The following LLGL2 variants were observed in gnomAD, a reference collection of about 807,000 sequenced individuals.
LLGL2 encodes LLGL scribble cell polarity complex component 2.
In LLGL2, 81 loss-of-function variants were observed where a neutral mutation model predicts 123.2. The observed-to-expected ratio is 0.66, with a 90% CI of 0.55 to 0.79. The LOEUF (loss-of-function observed/expected upper bound fraction) is 0.79, where lower values mean the gene tolerates loss of function less well. Ranked by LOEUF, LLGL2 falls within the 30% of genes least tolerant of loss-of-function variation. The probability of loss-of-function intolerance (pLI) is 0.00; values close to 1 mark genes in which losing one functional copy is unlikely to be tolerated. For synonymous variants in LLGL2, 577 were observed against 594.1 expected (o/e 0.97, Z 0.42); for missense variants, 1,273 against 1,414.6 (o/e 0.90, Z 1.61).
intron 1 of LLGL2, among the ~76,000 whole-genome samples, chr17:75,540,206 G>A (rs1266031655): frequency 6.6e-6 from 1 of 152,172 alleles, no homozygotes; most frequent in African/African-American, 2.4e-5. Flanking sequence ...GGCAGGATCT[G>A]TTCATACCAG....
intron 10 of LLGL2, among the ~76,000 whole-genome samples, chr17:75,567,150 G>T (rs1033857400): frequency 2.6e-5 from 4 of 152,132 alleles, no homozygotes; most frequent in Non-Finnish European, 4.4e-5. Context: ...CCCCAGAGTA[G>T]CAGGGAAGAC....
intron 10 of LLGL2, among the ~76,000 whole-genome samples, chr17:75,566,283 G>T (rs940445241): frequency 3.9e-5 from 6 of 152,226 alleles, no homozygotes; most frequent in Non-Finnish European, 7.3e-5. Context: ...CTGAGCAGGG[G>T]TGCCATGATC....
chr17:75,567,988 C>A (rs533363736), intron 10 of LLGL2: 5 of 808,174 alleles, frequency 6.2e-6, no homozygotes, highest in African/African-American at 3.7e-5. Flanking sequence ...AATCATCCAG[C>A]GCACATTTAT....
rs541753930 is a variant in LLGL2 at position 75,531,207 on chromosome 17, C to T, written c.-31+5382C>T. ...GAGAGGATGTCCTCTCCTGCCAGGA[C>T]TTCCTGGCCCCGGGACCCTCCCTTT... On this transcript the variant is annotated intron_variant, in intron 1 of 25. Transcript: ENST00000392550. 2.6e-4 allele frequency among the ~76,000 whole-genome samples: 40 copies of T among 152,288 alleles called. 1 individual carries two copies. The South Asian group carries it at 7.7e-3, about 29-fold the overall frequency.
intron 6 of LLGL2, among the ~76,000 whole-genome samples, chr17:75,561,391 G>A (rs2147426161): frequency 6.6e-6 from 1 of 152,308 alleles, no homozygotes; most frequent in East Asian, 1.9e-4. Flanking sequence ...TTGGGAGGCT[G>A]AGGTAGGAGG....
intron 3 of LLGL2, 77 bp downstream of exon 3, chr17:75,556,220 C>T: frequency 1.7e-6 from 2 of 1,151,410 alleles, no homozygotes; most frequent in South Asian, 1.3e-5. Flanking sequence ...TCTTTTCCTT[C>T]CTTGCCCGTG....
At chr17:75,546,678 G>A (rs1471180276) in intron 2 of LLGL2, among the ~76,000 whole-genome samples, 61 of 16,860 alleles carry the variant, frequency 3.6e-3, no homozygotes, top group South Asian at 8.6e-3. Context: ...GGCAGGTCCA[G>A]CAGACAGGCG....
At chr17:75,569,476 C>G in intron 14 of LLGL2, 151 bp downstream of exon 14, 1 of 681,154 alleles carries the variant, frequency 1.5e-6, no homozygotes, top group Non-Finnish European at 2.5e-6. Flanking sequence ...GGCGGGAGGT[C>G]CCTGGGATGG....
chr17:75,558,686 C>T lies in LLGL2; in HGVS notation c.371+59C>T. On this transcript the variant is annotated intron_variant, in intron 5 of 25. Transcript: ENST00000392550. This position sits in a 1 kb window ranked among gnomAD's most constrained non-coding sequence, Gnocchi z 4.0. ...AGCCCAGCCTGACCCTTGCCCTTAG[C>T]TCTGGAGTGGACTCACCCTTTGTGA... 1 of 1,361,372 alleles carries T rather than the reference C, an allele frequency of 7.3e-7. No homozygotes were observed. The highest frequency in any genetic ancestry group is 2.4e-4 in the Middle Eastern group (1 of 4,212). 84.3% of individuals were successfully genotyped at this position (1,361,372 alleles called of 1,614,324 possible).
rs143949135 is a variant in LLGL2 at position 75,563,547 on chromosome 17, C to T, written c.826+84C>T. The T allele has an allele frequency of 1.7e-3, 2,708 of 1,575,664 alleles. 44 individuals are homozygous for T. In the African/African-American group the frequency reaches 0.032, roughly 18 times the overall value. On this transcript the variant is annotated intron_variant, in intron 8 of 25. Coordinates refer to ENST00000392550, the MANE Select transcript of LLGL2 (RefSeq NM_001031803.2). Reference sequence around the variant, plus strand: ...GGTTGCTCAATTCTGAAGCAAACTCCAGGGCCAGAGAGGGTAAAGGCTTTG... The same window carrying T: ...GGTTGCTCAATTCTGAAGCAAACTCTAGGGCCAGAGAGGGTAAAGGCTTTG...
At chr17:75,567,246 C>T (rs1598620958) in intron 10 of LLGL2, among the ~76,000 whole-genome samples, 1 of 152,030 alleles carries the variant, frequency 6.6e-6, no homozygotes, top group Non-Finnish European at 1.5e-5. Context: ...GGCAGATCAC[C>T]TGAGGTTAGG....
intron 19 of LLGL2, among the ~76,000 whole-genome samples, chr17:75,572,597 G>A (rs1167158687): frequency 6.6e-6 from 1 of 151,046 alleles, no homozygotes; most frequent in Non-Finnish European, 1.5e-5. Flanking sequence ...CCCAGGAGGC[G>A]GAGCTTGCAG....
intron 2 of LLGL2, among the ~76,000 whole-genome samples, chr17:75,555,290 C>CT (rs79727188): frequency 3.5e-4 from 48 of 136,370 alleles, no homozygotes; most frequent in East Asian, 1.5e-3. Context: ...AATTTTTGTT[C>CT]TTTTTTTTTT....
rs1159673637 is a variant in LLGL2 at position 75,570,055 on chromosome 17, G to A, written c.1674G>A (p.Trp558Ter). Residue 558 changes from tryptophan to a stop codon, truncating the protein, a stop_gained, in exon 15 of 26, where the codon TGG becomes TGA. Coordinates refer to ENST00000392550, the MANE Select transcript of LLGL2 (RefSeq NM_001031803.2). LOFTEE classifies it high-confidence loss of function. ...DLLQDQEGYR[W>*]KGHERLAARS... The stretch of plus-strand genomic sequence containing the variant: ...TGCAGGACCAAGAGGGCTACCGCTG[G>A]AAGGGGCACGAGCGCCTGGCAGCCC... 1 of 1,612,684 alleles carries A rather than the reference G, an allele frequency of 6.2e-7. No homozygotes were observed. Among genetic ancestry groups the A allele is most frequent in the Non-Finnish European group, 8.5e-7 (1 of 1,179,824 alleles).
At chr17:75,574,726 G>A (rs543568054) in intron 25 of LLGL2, 58 bp downstream of exon 25, 1 of 1,598,372 alleles carries the variant, frequency 6.3e-7, no homozygotes, top group East Asian at 2.2e-5. Flanking sequence ...CTGGGAGGAA[G>A]AGCCCCGGCC....
In LLGL2 at chr17:75,573,183, C is replaced by T. The variant is rs764009284; in HGVS notation, c.2630C>T (p.Ser877Leu). 4.3e-6 allele frequency: 7 copies of T among 1,612,852 alleles called. No individual in the cohort carries two copies. The highest frequency in any genetic ancestry group is 2.2e-5 in the South Asian group (2 of 91,092). ...LTNLGDIQVV[S>L]LPLLKPQVRY... ...AACCTGGGCGACATCCAGGTGGTCT[C>T]GCTGCCCCTGCTCAAGCCCCAGGTG... Residue 877 changes from serine (S) to leucine (L), a missense_variant, in exon 20 of 26, where the codon TCG (serine) becomes TTG (leucine). Ser to Leu is a moderately radical substitution (Grantham distance 145). Coordinates refer to ENST00000392550, the MANE Select transcript of LLGL2 (RefSeq NM_001031803.2).
At chr17:75,531,253 G>A (rs1316986041) in intron 1 of LLGL2, among the ~76,000 whole-genome samples, 1 of 152,188 alleles carries the variant, frequency 6.6e-6, no homozygotes, top group Non-Finnish European at 1.5e-5. Flanking sequence ...GTGCTGCCTG[G>A]GACCAGGTGG....
chr17:75,527,077 G>A (rs1239584752), intron 1 of LLGL2, among the ~76,000 whole-genome samples: 1 of 151,760 alleles, frequency 6.6e-6, no homozygotes, highest in Non-Finnish European at 1.5e-5. Flanking sequence ...CCTGAGGTGG[G>A]AGGATTGCCT....
chr17:75,555,350 G>A (rs1278553464), intron 2 of LLGL2, among the ~76,000 whole-genome samples: 8 of 150,298 alleles, frequency 5.3e-5, no homozygotes, highest in Middle Eastern at 3.4e-3. Flanking sequence ...TCTGCCTGCC[G>A]GGTTCGCACC....
Sources: gnomAD v4.1 joint callset for allele counts (sites outside exome capture counted in the v4.1 genomes callset) on GRCh38, gnomAD v4.1.1 for gene constraint, Gnocchi (gnomAD v3.1) non-coding constraint, MANE v1.5 for transcripts, NCBI Gene and HGNC (gene_info 2026-07-23, HGNC 2026-07-21) for gene names.